The following ZNF319 variants were observed in gnomAD, a reference collection of about 807,000 sequenced individuals.
ZNF319 encodes the protein zinc finger protein 319.
A neutral mutation model predicts 46.0 loss-of-function variants in ZNF319; 15 were observed. The observed-to-expected ratio is 0.33, with a 90% confidence interval of 0.22 to 0.50. ZNF319 has a LOEUF of 0.50. Ranked by LOEUF, ZNF319 falls within the 20% of genes least tolerant of loss-of-function variation. The pLI is 0.98. For missense variants in ZNF319, 635 were observed against 807.0 expected (o/e 0.79, Z 2.58); for synonymous variants, 368 against 364.0 (o/e 1.01, Z -0.13).
In ZNF319 at chr16:57,996,224, T is replaced by C; in HGVS notation, c.*293A>G. 1 of 439,152 alleles carries C rather than the reference T, an allele frequency of 2.3e-6. No individual in the cohort carries two copies. The highest frequency in any genetic ancestry group is 3.6e-5 in the East Asian group (1 of 27,496). The allele number at this position is 439,152 out of a possible 1,614,324, so 27.2% of individuals were successfully genotyped here. A position where few individuals can be genotyped will look rare whatever the true frequency, so the allele number is the denominator to read the frequency against. Reference sequence around the variant, plus strand: ...CAGCCTGGCTCCAGTGCCCCGGAAATAAGGGGGGTGCTGATGGCTCTCAAG... The same window carrying C: ...CAGCCTGGCTCCAGTGCCCCGGAAACAAGGGGGGTGCTGATGGCTCTCAAG... On this transcript the variant is annotated 3_prime_UTR_variant, in exon 2 of 2. Coordinates refer to ENST00000299237, the MANE Select transcript of ZNF319 (RefSeq NM_020807.3).
chr16:57,998,696 C>T (rs1597037023), intron 1 of ZNF319, among the ~76,000 whole-genome samples, 174 bp from the exon 2 acceptor site: 3 of 152,278 alleles, frequency 2.0e-5, no homozygotes, highest in African/African-American at 7.2e-5. Context: ...AGGTCTGCAG[C>T]CAGCTCAGCT....
rs1218442629 is a variant in ZNF319 at position 58,000,104 on chromosome 16, C to T, written c.-869G>A. Among the ~76,000 whole-genome samples, 1 of 152,298 alleles carries T rather than the reference C, an allele frequency of 6.6e-6. No individual in the cohort carries two copies. On this transcript the variant is annotated 5_prime_UTR_variant, in exon 1 of 2. Transcript: ENST00000299237. The surrounding 1 kb of genome is among the most constrained non-coding windows in gnomAD (Gnocchi z 4.5). ...CGAATGAAAGCCGATCACCTCCCGC[C>T]GGCCCTGCCTGCAGGCCCAGCTGGG...
At position 57,996,801 on chromosome 16, in the gene ZNF319, G is replaced by A; in HGVS notation, c.1465C>T (p.Pro489Ser). Residue 489 changes from proline to serine, a missense_variant, in exon 2 of 2, where the codon CCA becomes TCA. This residue lies in a region of ZNF319 where 270 missense variants were observed against 281.4 expected (regional missense o/e 0.96). Transcript: ENST00000299237. ...DPAREKPLKCPDCEKRFKYAS... is the reference protein window; with the variant it reads ...DPAREKPLKCSDCEKRFKYAS... ...TACTTGAAGCGTTTCTCGCAGTCTG[G>A]GCACTTGAGTGGCTTCTCGCGGGCC... 6.2e-7 allele frequency: 1 copy of A among 1,610,846 alleles called. No homozygotes were observed. Among genetic ancestry groups the A allele is most frequent in the South Asian group, 1.1e-5 (1 of 90,790 alleles).
At position 57,997,335 on chromosome 16, in the gene ZNF319, C is replaced by T. The variant is rs769454789; in HGVS notation, c.931G>A (p.Gly311Arg). 6.2e-7 allele frequency: 1 copy of T among 1,611,758 alleles called. No homozygotes were observed. ...ELLQHPCTPS[G>R]ERPFRCGECQ... ...TCGCCGCAGCGGAAGGGCCGCTCCC[C>T]ACTTGGCGTGCACGGGTGCTGCAGC... Residue 311 changes from glycine to arginine, a missense_variant, in exon 2 of 2, where the codon GGG becomes AGG. By Grantham distance (125) the Gly-to-Arg change is moderately radical (BLOSUM62 -2). Coordinates refer to ENST00000299237, the MANE Select transcript of ZNF319 (RefSeq NM_020807.3).
rs993937437 is a variant in ZNF319 at position 57,995,733 on chromosome 16, A to G, written c.*784T>C. On this transcript the variant is annotated 3_prime_UTR_variant, in exon 2 of 2. Coordinates refer to ENST00000299237, the MANE Select transcript of ZNF319 (RefSeq NM_020807.3). ...CCCCACCACACCTAGGAACTGCACTACAAAGGTGGGAGGGGCGCTTCCAAA... is the reference window on the plus strand; with the variant it reads ...CCCCACCACACCTAGGAACTGCACTGCAAAGGTGGGAGGGGCGCTTCCAAA... The G allele has an allele frequency of 2.0e-5, 3 of 152,402 alleles. No homozygotes were observed. Among genetic ancestry groups the G allele is most frequent in the African/African-American group, 7.2e-5 (3 of 41,434 alleles). The allele number at this position is 152,402 out of a possible 1,614,324, so 9.4% of individuals were successfully genotyped here. A position where few individuals can be genotyped will look rare whatever the true frequency, so the allele number is the denominator to read the frequency against.
In ZNF319 at chr16:57,996,108, TCCTAA is replaced by T. The variant is rs1963007639; in HGVS notation, c.*404_*408del. ...CCAGCCCCACCATGAGCCTCCGCTTTCCTAACCTATGTGGCTGCTAGCTTGAAAGA... is the reference window on the plus strand; with the variant it reads ...CCAGCCCCACCATGAGCCTCCGCTTTCCTATGTGGCTGCTAGCTTGAAAGA... On this transcript the variant is annotated 3_prime_UTR_variant, in exon 2 of 2. Transcript: ENST00000299237. 2 of 197,654 alleles carry T rather than the reference TCCTAA, an allele frequency of 1.0e-5. No individual in the cohort carries two copies. The highest frequency in any genetic ancestry group is 2.3e-5 in the African/African-American group (1 of 42,894). 12.2% of individuals were successfully genotyped at this position (197,654 alleles called of 1,614,324 possible).
rs769672267 is a variant in ZNF319, at chr16:57,996,919, G to T, written c.1347C>A (p.Ala449=). ...RASALQKHQL[A]HCAAAEKPLR... ...GGGGCTTCTCTGCCGCCGCACAGTG[G>T]GCCAGCTGGTGCTTCTGCAGGGCCG... Residue 449 remains alanine, a synonymous_variant, in exon 2 of 2, where the codon GCC becomes GCA. Transcript: ENST00000299237. The T allele has an allele frequency of 6.2e-7, 1 of 1,601,476 alleles. No homozygotes were observed. The highest frequency in any genetic ancestry group is 8.5e-7 in the Non-Finnish European group (1 of 1,178,702).
Position 57,996,548 on chromosome 16 carries a change from C to G in ZNF319, c.1718G>C (p.Gly573Ala). 3.9e-6 allele frequency: 6 copies of G among 1,552,280 alleles called. No individual in the cohort carries two copies. Among genetic ancestry groups the G allele is most frequent in the Non-Finnish European group, 5.2e-6 (6 of 1,155,868 alleles). ...CAGGCAGGCGGCTACCTGGTAGGCG[C>G]CCTCCGCTGCCGCGGCGGCGGCACT... ...QHSAAAAAAE[G>A]AYQVAACLP is the part of the protein sequence containing the mutation. The change falls in exon 2 of 2, where the codon GGC (glycine) becomes GCC (alanine). Residue 573 changes from glycine to alanine, a missense_variant. By Grantham distance (60) the Gly-to-Ala change is moderately conservative. Transcript: ENST00000299237.
chr16:57,997,659 T>G lies in ZNF319; in HGVS notation c.607A>C (p.Ser203Arg), dbSNP rs780639459. 6.8e-6 allele frequency: 11 copies of G among 1,614,016 alleles called. No homozygotes were observed. The highest frequency in any genetic ancestry group is 9.3e-6 in the Non-Finnish European group (11 of 1,180,046). ...AAGGGCTTTTGGCAGATGGGGCAGC[T>G]GTAGGGCTTGTCGGCCTGTTCAGCA... ...TPAEQADKPY[S>R]CPICQKPFKH... is the part of the protein sequence containing the mutation. The change falls in exon 2 of 2, where the codon AGC (serine) becomes CGC (arginine). Residue 203 changes from serine to arginine, a missense_variant. Physicochemically the swap from Ser to Arg is moderately radical, Grantham distance 110 (BLOSUM62 -1). This residue lies in a region of ZNF319 where 227 missense variants were observed against 277.5 expected (regional missense o/e 0.82). Coordinates refer to ENST00000299237, the MANE Select transcript of ZNF319 (RefSeq NM_020807.3).
Position 57,998,371 on chromosome 16 carries a change from C to T in ZNF319, c.-106G>A. 1 of 1,502,224 alleles carries T rather than the reference C, an allele frequency of 6.7e-7. No individual in the cohort carries two copies. Among genetic ancestry groups the T allele is most frequent in the Non-Finnish European group, 8.9e-7 (1 of 1,125,190 alleles). The allele number at this position is 1,502,224 out of a possible 1,614,324, so 93.1% of individuals were successfully genotyped here. A position where few individuals can be genotyped will look rare whatever the true frequency, so the allele number is the denominator to read the frequency against. ...GCCCAATCACAGAGATGGACAAGGACCTCAGACAAGGCACAGAAGAGGGGC... is the reference window on the plus strand; with the variant it reads ...GCCCAATCACAGAGATGGACAAGGATCTCAGACAAGGCACAGAAGAGGGGC... On this transcript the variant is annotated 5_prime_UTR_variant, in exon 2 of 2. Coordinates refer to ENST00000299237, the MANE Select transcript of ZNF319 (RefSeq NM_020807.3).
At position 58,000,666 on chromosome 16, in the gene ZNF319, G is replaced by A. The variant is rs1284202010; in HGVS notation, c.-1431C>T. ...GCGGACGGACCGATGGCCTTGCGGAGACGGGCGGACGGGCGGGCGGCGCGG... is the reference window on the plus strand; with the variant it reads ...GCGGACGGACCGATGGCCTTGCGGAAACGGGCGGACGGGCGGGCGGCGCGG... On this transcript the variant is annotated 5_prime_UTR_variant, in exon 1 of 2. Coordinates refer to ENST00000299237, the MANE Select transcript of ZNF319 (RefSeq NM_020807.3). The surrounding 1 kb of genome is among the most constrained non-coding windows in gnomAD (Gnocchi z 4.5). Among the ~76,000 whole-genome samples the A allele has an allele frequency of 1.3e-5, 2 of 148,542 alleles. No individual in the cohort carries two copies.
At position 57,996,715 on chromosome 16, in the gene ZNF319, G is replaced by C; in HGVS notation, c.1551C>G (p.Pro517=). The C allele has an allele frequency of 6.2e-7, 1 of 1,612,208 alleles. No homozygotes were observed. Among genetic ancestry groups the C allele is most frequent in the Non-Finnish European group, 8.5e-7 (1 of 1,179,348 alleles). ...GCTGCTTGAAGGCCTTGTCGCAGTTGGGGCACTTGTAGGGCTTCTCGCCTG... is the reference window on the plus strand; with the variant it reads ...GCTGCTTGAAGGCCTTGTCGCAGTTCGGGCACTTGTAGGGCTTCTCGCCTG... The part of the protein sequence containing the change: ...VHTGEKPYKC[P]NCDKAFKQRE... The change falls in exon 2 of 2, where the codon CCC becomes CCG. Residue 517 remains proline, a synonymous_variant. Coordinates refer to ENST00000299237, the MANE Select transcript of ZNF319 (RefSeq NM_020807.3).
chr16:57,997,841 G>A lies in ZNF319; in HGVS notation c.425C>T (p.Ser142Leu). The A allele has an allele frequency of 6.2e-7, 1 of 1,612,854 alleles. No homozygotes were observed. Among genetic ancestry groups the A allele is most frequent in the Non-Finnish European group, 8.5e-7 (1 of 1,180,046 alleles). The part of the protein sequence containing the change: ...FVCGVCKMGF[S>L]LLTSLAQHHS... ...GTGCTGTGCCAGTGAGGTGAGTAGTGAGAAGCCCATCTTGCAGACCCCACA... is the reference window on the plus strand; with the variant it reads ...GTGCTGTGCCAGTGAGGTGAGTAGTAAGAAGCCCATCTTGCAGACCCCACA... Residue 142 changes from serine to leucine, a missense_variant, in exon 2 of 2, where the codon TCA becomes TTA. Ser to Leu is a moderately radical substitution (Grantham distance 145). Coordinates refer to ENST00000299237, the MANE Select transcript of ZNF319 (RefSeq NM_020807.3).
rs1214458920 is a variant in ZNF319, at chr16:58,000,413, G to T, written c.-1178C>A. 5 of 150,264 alleles carry T rather than the reference G, an allele frequency of 3.3e-5. No homozygotes were observed. The highest frequency in any genetic ancestry group is 1.2e-4 in the African/African-American group (5 of 41,174). 9.3% of individuals were successfully genotyped at this position (150,264 alleles called of 1,614,324 possible). On this transcript the variant is annotated 5_prime_UTR_variant, in exon 1 of 2. Coordinates refer to ENST00000299237, the MANE Select transcript of ZNF319 (RefSeq NM_020807.3). The surrounding 1 kb of genome is among the most constrained non-coding windows in gnomAD (Gnocchi z 4.5). ...CCCCGCCGCTCACCTGCTCCAGGCC[G>T]CCTGCAGGGCAGGCGCGGGGCGAGC...
intron 1 of ZNF319, among the ~76,000 whole-genome samples, chr16:57,998,756 G>A (rs1459639325): frequency 6.6e-6 from 1 of 152,070 alleles, no homozygotes; most frequent in Non-Finnish European, 1.5e-5. Context: ...CCACCTCAGT[G>A]CCCCGCCCCT....
At position 57,996,942 on chromosome 16, in the gene ZNF319, C is replaced by A. The variant is rs1324616143; in HGVS notation, c.1324G>T (p.Ala442Ser). The change falls in exon 2 of 2, where the codon GCC (alanine) becomes TCC (serine). Residue 442 changes from alanine (A) to serine (S), a missense_variant. Coordinates refer to ENST00000299237, the MANE Select transcript of ZNF319 (RefSeq NM_020807.3). ...TGGGCCAGCTGGTGCTTCTGCAGGG[C>A]CGACGCGCGCTTGTAGGCCTTGTTG... Reference protein sequence around the residue: ...VCNKAYKRASALQKHQLAHCA... With the variant: ...VCNKAYKRASSLQKHQLAHCA... The A allele has an allele frequency of 3.1e-6, 5 of 1,601,322 alleles. No homozygotes were observed. The highest frequency in any genetic ancestry group is 4.2e-6 in the Non-Finnish European group (5 of 1,178,634).
In ZNF319 at chr16:57,998,073, G is replaced by A. The variant is rs764888911; in HGVS notation, c.193C>T (p.His65Tyr). ...QPDPGLQPPQ[H>Y]APLQAAGEPG... ...TCTCCTGCTGCCTGCAGGGGTGCGT[G>A]TTGTGGGGGCTGCAGGCCGGGGTCT... is the stretch of plus-strand genomic sequence containing the variant. Residue 65 changes from histidine to tyrosine, a missense_variant, in exon 2 of 2, where the codon CAC (histidine) becomes TAC (tyrosine). Coordinates refer to ENST00000299237, the MANE Select transcript of ZNF319 (RefSeq NM_020807.3). 1.2e-6 allele frequency: 2 copies of A among 1,609,304 alleles called. No homozygotes were observed. Among genetic ancestry groups the A allele is most frequent in the Non-Finnish European group, 1.7e-6 (2 of 1,179,400 alleles).
Position 57,994,794 on chromosome 16 carries a change from T to C in ZNF319, c.*1723A>G, listed in dbSNP as rs1962981602. On this transcript the variant is annotated 3_prime_UTR_variant, in exon 2 of 2. Transcript: ENST00000299237. ...TTAAAAATCCAAATCCTCACATTTT[T>C]ATATAAGATCCAAAATGACATGAAA... 6.6e-6 allele frequency: 1 copy of C among 152,258 alleles called. No individual in the cohort carries two copies. Among genetic ancestry groups the C allele is most frequent in the Non-Finnish European group, 1.5e-5 (1 of 68,054 alleles). The allele number at this position is 152,258 out of a possible 1,614,324, so 9.4% of individuals were successfully genotyped here.
chr16:57,995,435 T>G lies in ZNF319; in HGVS notation c.*1082A>C, dbSNP rs1304190282. 6.6e-6 allele frequency: 1 copy of G among 152,622 alleles called. No individual in the cohort carries two copies. The highest frequency in any genetic ancestry group is 1.9e-4 in the East Asian group (1 of 5,170). 9.5% of individuals were successfully genotyped at this position (152,622 alleles called of 1,614,324 possible). On this transcript the variant is annotated 3_prime_UTR_variant, in exon 2 of 2. Transcript: ENST00000299237. ...GAACATCTTGGCTGTACCAGACCCC[T>G]GGGGTCCAGGCCAGCAGCCACATTG...
Sources: gnomAD v4.1 joint callset for allele counts (sites outside exome capture counted in the v4.1 genomes callset) on GRCh38, gnomAD v4.1.1 for gene constraint, gnomAD v4.1.1 regional missense constraint, Gnocchi (gnomAD v3.1) non-coding constraint, MANE v1.5 for transcripts, NCBI Gene and HGNC (gene_info 2026-07-23, HGNC 2026-07-21) for gene names.